CAST: variants seen among roughly 807,000 people sequenced by gnomAD.
CAST encodes the protein MIR583 host.
In CAST, 76 loss-of-function variants were observed where a neutral mutation model predicts 119.6. The observed-to-expected ratio is 0.64, with a 90% confidence interval of 0.53 to 0.77. CAST has a LOEUF of 0.77. Ranked by LOEUF, CAST falls within the 30% of genes least tolerant of loss-of-function variation. CAST has a pLI of 0.00. For missense variants in CAST, 953 were observed against 946.5 expected, an observed-to-expected ratio of 1.01 and a Z score of -0.09; for synonymous variants, 319 against 331.6, an observed-to-expected ratio of 0.96 and a Z score of 0.41.
chr5:96,193,167 TTG>T, the CAST span, among the ~76,000 whole-genome samples: 2 of 152,222 alleles, frequency 1.3e-5, no homozygotes, highest in Admixed American at 6.5e-5. Context: ...CTCCTTTTTT[TTG>T]TTTCTGATAG....
chr5:96,331,192 A>G, the CAST span, among the ~76,000 whole-genome samples: 6 of 152,344 alleles, frequency 3.9e-5, no homozygotes, highest in East Asian at 1.2e-3. Flanking sequence ...TATTTTACAC[A>G]TGAGAAAACT....
the CAST span, among the ~76,000 whole-genome samples, chr5:96,049,078 G>A: frequency 6.6e-6 from 1 of 152,186 alleles, no homozygotes; most frequent in Admixed American, 6.5e-5. Flanking sequence ...TACCCTTAAA[G>A]GCAACAGGGA....
At chr5:96,468,237 T>A in the CAST span, among the ~76,000 whole-genome samples, 1 of 151,428 alleles carries the variant, frequency 6.6e-6, no homozygotes, top group Non-Finnish European at 1.5e-5. Context: ...AAATGGGGAG[T>A]GTGGAGAGGA....
At chr5:96,240,267 C>T in the CAST span, among the ~76,000 whole-genome samples, 3 of 152,152 alleles carry the variant, frequency 2.0e-5, no homozygotes, top group Admixed American at 2.0e-4. Flanking sequence ...TTTACTACAG[C>T]TGGATTTCAA....
the CAST span, among the ~76,000 whole-genome samples, chr5:96,070,880 G>A: frequency 2.0e-5 from 3 of 152,280 alleles, no homozygotes; most frequent in African/African-American, 7.2e-5. Context: ...AGGAATGCTC[G>A]CCCAAGGACT....
rs557667710 is a variant in CAST, at chr5:96,677,930, A to G, written c.138+2329A>G. ...GGGTGGGTGACTTGGTAGTCAGGGT[A>G]TATTTCCAAAATGGTCTGTCTCAAA... is the stretch of plus-strand genomic sequence containing the variant. On this transcript the variant is annotated intron_variant, in intron 2 of 31. Transcript: ENST00000675179. Among the ~76,000 whole-genome samples, 6 of 152,244 alleles carry G rather than the reference A, an allele frequency of 3.9e-5. No individual in the cohort carries two copies. In the South Asian group the frequency reaches 8.3e-4, roughly 21 times the overall value.
At chr5:96,298,879 A>AGTGT in the CAST span, among the ~76,000 whole-genome samples, 30 of 149,686 alleles carry the variant, frequency 2.0e-4, no homozygotes, top group African/African-American at 4.7e-4. Context: ...AAATTAGGAG[A>AGTGT]GTGTGTGTGT....
At chr5:96,163,746 A>G in the CAST span, among the ~76,000 whole-genome samples, 5 of 152,274 alleles carry the variant, frequency 3.3e-5, no homozygotes, top group Non-Finnish European at 4.4e-5. Flanking sequence ...CCTTACCTAC[A>G]ATGCAATCTT....
chr5:96,292,128 A>G, the CAST span, among the ~76,000 whole-genome samples: 2 of 152,174 alleles, frequency 1.3e-5, no homozygotes, highest in Non-Finnish European at 2.9e-5. Context: ...TAATATCTCA[A>G]AGATGATATC....
the CAST span, among the ~76,000 whole-genome samples, chr5:96,204,423 G>GGGGTTTACAAA: frequency 6.6e-6 from 1 of 152,090 alleles, no homozygotes; most frequent in East Asian, 1.9e-4. Context: ...TCTTGGGTAA[G>GGGGTTTACAAA]GAGGACAGGG....
At chr5:96,508,985 T>C in the CAST span, among the ~76,000 whole-genome samples, 1 of 152,208 alleles carries the variant, frequency 6.6e-6, no homozygotes, top group Non-Finnish European at 1.5e-5. Flanking sequence ...CAGATGGTTG[T>C]TTTGAGAGCG....
the CAST span, among the ~76,000 whole-genome samples, chr5:95,978,474 T>G: frequency 6.6e-6 from 1 of 152,226 alleles, no homozygotes; most frequent in Non-Finnish European, 1.5e-5. Flanking sequence ...TTCATTTCCT[T>G]TGCTCACTTT....
the CAST span, among the ~76,000 whole-genome samples, chr5:96,413,601 A>G: frequency 4.0e-5 from 6 of 151,240 alleles, no homozygotes; most frequent in African/African-American, 1.2e-4. Flanking sequence ...GGAGTTCAAG[A>G]CCAGCCTGGC....
the CAST span, among the ~76,000 whole-genome samples, chr5:96,425,010 A>AAGAAAGAG: frequency 8.2e-5 from 2 of 24,258 alleles, no homozygotes; most frequent in Non-Finnish European, 1.9e-4. Flanking sequence ...AAAGAAAGAA[A>AAGAAAGAG]AGAAAGAAAG....
the CAST span, among the ~76,000 whole-genome samples, chr5:96,332,615 G>A: frequency 6.6e-6 from 1 of 152,162 alleles, no homozygotes; most frequent in Non-Finnish European, 1.5e-5. Context: ...GTCCAAACTT[G>A]AGGACAGAGC....
At chr5:96,309,581 C>T in the CAST span, among the ~76,000 whole-genome samples, 2 of 152,206 alleles carry the variant, frequency 1.3e-5, no homozygotes, top group African/African-American at 4.8e-5. Context: ...GCCCTGGTGG[C>T]ATAGGCACCG....
chr5:96,524,396 A>G (rs570717779), upstream of CAST, among the ~76,000 whole-genome samples: 1 of 152,314 alleles, frequency 6.6e-6, no homozygotes, highest in African/African-American at 2.4e-5. Context: ...AATAAAGCAA[A>G]CTTGGGTCAA....
the CAST span, among the ~76,000 whole-genome samples, chr5:96,343,548 G>A: frequency 6.6e-6 from 1 of 152,138 alleles, no homozygotes; most frequent in East Asian, 1.9e-4. Flanking sequence ...CTTGCCTAAG[G>A]AGGCTACCTG....
the CAST span, chr5:96,392,707 G>GT: frequency 2.2e-6 from 1 of 448,584 alleles, no homozygotes. Flanking sequence ...CTAATGCAGT[G>GT]TTCTAATGTA....
Sources: gnomAD v4.1 joint callset for allele counts (sites outside exome capture counted in the v4.1 genomes callset) on GRCh38, gnomAD v4.1.1 for gene constraint, MANE v1.5 for transcripts, NCBI Gene and HGNC (gene_info 2026-07-23, HGNC 2026-07-21) for gene names.